The following PRH1 variants were observed in gnomAD, a reference collection of about 807,000 sequenced individuals.
PRH1 encodes salivary acidic proline-rich phosphoprotein 1/2.
PRH1 carries 7 observed loss-of-function variants against 7.9 expected under a neutral mutation model. The ratio of observed to expected loss-of-function variants is 0.89; its 90% CI spans 0.50 to 1.67. The LOEUF is 1.67. Ranked by LOEUF, PRH1 falls within the 40% of genes most tolerant of loss-of-function variation. The pLI, the probability that PRH1 is intolerant of heterozygous loss-of-function variation, is 0.00. For missense variants in PRH1, 109 were observed against 223.6 expected, an observed-to-expected ratio of 0.49 and a Z score of 3.27; for synonymous variants, 45 against 80.8, an observed-to-expected ratio of 0.56 and a Z score of 2.38.
chr12:10,882,777 C>A (rs1217462228), intron 2 of PRH1, 79 bp from the exon 3 acceptor site: 13 of 1,578,280 alleles, frequency 8.2e-6, no homozygotes, highest in Non-Finnish European at 1.0e-5. Context: ...CTTCACCACA[C>A]GGCCGGCCCC....
chr12:11,049,063 GTAA>G (rs1473225667), upstream of PRH1: 2 of 334,674 alleles, frequency 6.0e-6, no homozygotes, highest in Non-Finnish European at 1.2e-5. Context: ...GCATACCAAT[GTAA>G]TAATATGACC....
At chr12:11,120,580 C>T (rs1592050882), downstream of PRH1, among the ~76,000 whole-genome samples, 1 of 152,156 alleles carries the variant, frequency 6.6e-6, no homozygotes, top group East Asian at 1.9e-4. Context: ...CTTGCTATTT[C>T]CTTCTTCCAA....
intron 1 of PRH1, among the ~76,000 whole-genome samples, chr12:11,139,426 A>T (rs1199015987): frequency 6.6e-6 from 1 of 152,174 alleles, no homozygotes; most frequent in Non-Finnish European, 1.5e-5. Flanking sequence ...TTCACTGTAG[A>T]GTTTCATCAC....
chr12:10,919,898 T>A (rs867297499), intron 2 of PRH1, among the ~76,000 whole-genome samples: 16 of 134,618 alleles, frequency 1.2e-4, no homozygotes, highest in East Asian at 4.9e-4. Flanking sequence ...TTAAAAAAAT[T>A]TTTTTAATCT....
At chr12:11,026,723 A>G (rs1280917236) in intron 1 of PRH1, among the ~76,000 whole-genome samples, 2 of 152,214 alleles carry the variant, frequency 1.3e-5, no homozygotes, top group African/African-American at 2.4e-5. Flanking sequence ...AGACTACCAG[A>G]AACTTAAATC....
At chr12:11,134,921 C>T (rs1427340056) in intron 1 of PRH1, among the ~76,000 whole-genome samples, 2 of 152,134 alleles carry the variant, frequency 1.3e-5, no homozygotes, top group Non-Finnish European at 2.9e-5. Context: ...CAAACACACA[C>T]ATGTGCACAC....
intron 1 of PRH1, among the ~76,000 whole-genome samples, chr12:11,146,498 T>C (rs567728524): frequency 1.3e-5 from 2 of 152,276 alleles, no homozygotes; most frequent in African/African-American, 4.8e-5. Context: ...ATACTCTTTC[T>C]GTATTCATTA....
intron 2 of PRH1, among the ~76,000 whole-genome samples, chr12:10,920,906 G>A (rs1399876348): frequency 6.6e-6 from 1 of 151,974 alleles, no homozygotes; most frequent in Non-Finnish European, 1.5e-5. Context: ...TTTAAACTTG[G>A]TTTGGGTATT....
intron 1 of PRH1, among the ~76,000 whole-genome samples, chr12:11,122,582 A>G (rs914912053): frequency 2.0e-5 from 3 of 152,280 alleles, no homozygotes; most frequent in Admixed American, 1.3e-4. Context: ...CAATAATTAA[A>G]CCTAAAAGAA....
chr12:10,938,007 G>C, intron 2 of PRH1: 1 of 359,996 alleles, frequency 2.8e-6, no homozygotes, highest in Non-Finnish European at 4.9e-6. Flanking sequence ...TCTCAAAAAA[G>C]GTGAATGATT....
At position 11,106,065 on chromosome 12, in the gene PRH1, C is replaced by T. The variant is rs1483109693; in HGVS notation, n.124-58877G>A. 3.4e-4 allele frequency among the ~76,000 whole-genome samples: 34 copies of T among 101,026 alleles called. 7 individuals carry two copies. The highest frequency in any genetic ancestry group is 1.1e-3 in the African/African-American group (34 of 30,084). 66.3% of individuals were successfully genotyped at this position (101,026 alleles called of 152,430 possible). A position where few individuals can be genotyped will look rare whatever the true frequency, so the allele number is the denominator to read the frequency against. On this transcript the variant is annotated intron_variant and non_coding_transcript_variant, in intron 1 of 4. Transcript: ENST00000541977. The stretch of plus-strand genomic sequence containing the variant: ...ATGCCATTCTCCTGCCTCAGCCTCC[C>T]GAGTAGCTGGGATTACAGGCGCCCA...
intron 1 of PRH1, among the ~76,000 whole-genome samples, chr12:11,040,839 C>T (rs1942678425): frequency 6.6e-6 from 1 of 152,086 alleles, no homozygotes; most frequent in African/African-American, 2.4e-5. Context: ...TGTTTTTGTG[C>T]TTGTTTGTTT....
At chr12:10,885,832 A>T (rs1169961939), upstream of PRH1, among the ~76,000 whole-genome samples, 1 of 152,216 alleles carries the variant, frequency 6.6e-6, no homozygotes, top group East Asian at 1.9e-4. Context: ...AGAAAATCAT[A>T]AAGACAAGGC....
intron 2 of PRH1, among the ~76,000 whole-genome samples, chr12:10,943,821 T>G (rs1022005358): frequency 2.2e-4 from 33 of 152,232 alleles, no homozygotes; most frequent in Non-Finnish European, 4.1e-4. Context: ...ATTTATTAAA[T>G]ACGAAGTCTT....
intron 2 of PRH1, among the ~76,000 whole-genome samples, chr12:10,963,914 T>TA: frequency 6.6e-6 from 1 of 152,198 alleles, no homozygotes; most frequent in East Asian, 1.9e-4. Context: ...ACCCCAAAGA[T>TA]AAAACTTCAT....
intron 1 of PRH1, among the ~76,000 whole-genome samples, chr12:11,100,778 A>G (rs966252265): frequency 6.6e-6 from 1 of 152,168 alleles, no homozygotes; most frequent in Non-Finnish European, 1.5e-5. Context: ...AAACATACTC[A>G]AAGATCAGGC....
At chr12:11,168,296 GAAA>G (rs1312985867) in intron 1 of PRH1, among the ~76,000 whole-genome samples, 15 of 39,604 alleles carry the variant, frequency 3.8e-4, no homozygotes, top group South Asian at 1.2e-3. Context: ...AAGAAAGAAA[GAAA>G]GAAGGAAGGA....
upstream of PRH1, among the ~76,000 whole-genome samples, chr12:10,886,079 A>G (rs1332094250): frequency 6.6e-6 from 1 of 152,170 alleles, no homozygotes; most frequent in Non-Finnish European, 1.5e-5. Flanking sequence ...CCCTGTGGGA[A>G]GTAGATCAGC....
At chr12:11,066,174 T>G (rs1344824108) in intron 1 of PRH1, among the ~76,000 whole-genome samples, 1 of 141,456 alleles carries the variant, frequency 7.1e-6, no homozygotes, top group Non-Finnish European at 1.6e-5. Flanking sequence ...TCTAAAGAAT[T>G]CCACCATTTA....
Sources: gnomAD v4.1 joint callset for allele counts (sites outside exome capture counted in the v4.1 genomes callset) on GRCh38, gnomAD v4.1.1 for gene constraint, MANE v1.5 for transcripts, NCBI Gene and HGNC (gene_info 2026-07-23, HGNC 2026-07-21) for gene names.